The following SYNE2 variants were observed in gnomAD, a reference collection of about 807,000 sequenced individuals.
SYNE2 encodes nesprin-2.
SYNE2 carries 431 observed loss-of-function variants against 856.3 expected under a neutral mutation model. The observed-to-expected ratio is 0.50, with a 90% CI of 0.47 to 0.55. SYNE2 has a LOEUF of 0.55. Ranked by LOEUF, SYNE2 falls within the 20% of genes least tolerant of loss-of-function variation. The probability of loss-of-function intolerance (pLI) is 0.00; values close to 1 mark genes in which losing one functional copy is unlikely to be tolerated. For synonymous variants in SYNE2, 2,923 were observed against 2,872.3 expected (o/e 1.02, Z -0.56); for missense variants, 8,129 against 8,023.2 (o/e 1.01, Z -0.50).
intron 64 of SYNE2, among the ~76,000 whole-genome samples, chr14:64,106,513 G>C (rs1199452114): frequency 6.6e-6 from 1 of 152,146 alleles, no homozygotes; most frequent in African/African-American, 2.4e-5. Context: ...GCTGGGCGTG[G>C]TGGCGGGTGC....
chr14:64,223,880 G>A (rs777296764), intron 113 of SYNE2, among the ~76,000 whole-genome samples: 5 of 152,078 alleles, frequency 3.3e-5, no homozygotes, highest in Middle Eastern at 3.2e-3. Flanking sequence ...TCTCATCACC[G>A]ACCTGTGATG....
intron 69 of SYNE2, 65 bp downstream of exon 69, chr14:64,122,198 T>G: frequency 1.9e-6 from 3 of 1,614,024 alleles, no homozygotes; most frequent in Non-Finnish European, 2.5e-6. Context: ...TAAGAGTGTT[T>G]CTTTTAAAAA....
At chr14:64,124,994 C>A in intron 70 of SYNE2, 85 bp from the exon 71 acceptor site, 2 of 1,554,850 alleles carry the variant, frequency 1.3e-6, no homozygotes, top group African/African-American at 2.8e-5. Context: ...CAGAGCAAGA[C>A]TCCATCTCGA....
chr14:64,017,477 A>C, intron 33 of SYNE2, 118 bp from the exon 34 acceptor site: 1 of 817,360 alleles, frequency 1.2e-6, no homozygotes, highest in Admixed American at 2.3e-5. Context: ...TGATGAATAA[A>C]GCAGATTATC....
intron 6 of SYNE2, among the ~76,000 whole-genome samples, chr14:63,944,634 C>T (rs1431267366): frequency 6.8e-6 from 1 of 146,742 alleles, no homozygotes; most frequent in Non-Finnish European, 1.5e-5. Context: ...ACTGATTCTG[C>T]CTTAGCCTCC....
intron 85 of SYNE2, 23 bp downstream of exon 85, chr14:64,152,739 T>C (rs1319563960): frequency 1.2e-6 from 2 of 1,613,586 alleles, no homozygotes; most frequent in African/African-American, 1.3e-5. Context: ...ATTTGAAATG[T>C]GCTATTTCTC....
intron 1 of SYNE2, among the ~76,000 whole-genome samples, chr14:63,810,591 A>C (rs1443378972): frequency 6.6e-6 from 1 of 152,158 alleles, no homozygotes; most frequent in African/African-American, 2.4e-5. Flanking sequence ...TTAACCCAAG[A>C]TCAAGCAGAA....
intron 1 of SYNE2, among the ~76,000 whole-genome samples, chr14:63,873,036 GT>G (rs1215637234): frequency 2.6e-5 from 4 of 152,116 alleles, no homozygotes; most frequent in Non-Finnish European, 5.9e-5. Flanking sequence ...CTGTTGGGTT[GT>G]TTGTCTTTTT....
intron 1 of SYNE2, among the ~76,000 whole-genome samples, chr14:63,773,515 T>G: frequency 6.6e-6 from 1 of 152,214 alleles, no homozygotes. Context: ...CGCTACATTT[T>G]TTAAAGCCTA....
chr14:63,923,855 G>A (rs1050838591), intron 2 of SYNE2, among the ~76,000 whole-genome samples: 6 of 151,804 alleles, frequency 4.0e-5, no homozygotes, highest in Admixed American at 3.3e-4. Context: ...CTGGAGTGCA[G>A]TGGTGCCATT....
intron 1 of SYNE2, among the ~76,000 whole-genome samples, chr14:63,775,794 A>T (rs573682165): frequency 6.6e-6 from 1 of 152,214 alleles, no homozygotes; most frequent in South Asian, 2.1e-4. Context: ...ATGGGGTCCC[A>T]CTATGTTGCC....
At chr14:63,819,541 C>CT (rs576041925) in intron 1 of SYNE2, among the ~76,000 whole-genome samples, 1,742 of 134,606 alleles carry the variant, frequency 0.013, 30 homozygotes, top group African/African-American at 0.039. Flanking sequence ...AATTTTATTT[C>CT]TTTTTTTTTT....
At chr14:64,083,226 C>A (rs1265520975) in intron 57 of SYNE2, among the ~76,000 whole-genome samples, 1 of 151,202 alleles carries the variant, frequency 6.6e-6, no homozygotes, top group African/African-American at 2.4e-5. Context: ...TTTTTCTTTT[C>A]TTCCCCTTGC....
In SYNE2 at chr14:64,048,110, A is replaced by G; in HGVS notation, c.7332A>G (p.Leu2444=). Residue 2444 remains leucine, a synonymous_variant, in exon 46 of 116, where the codon TTA becomes TTG. Transcript: ENST00000555002. Reference sequence around the variant, plus strand: ...TCAATGAGCTGCAAAATCAACCTTTAGAATTAGATACTATGTTAAGAAATG... The same window carrying G: ...TCAATGAGCTGCAAAATCAACCTTTGGAATTAGATACTATGTTAAGAAATG... ...RKVNELQNQP[L]ELDTMLRNEQ... 6.2e-7 allele frequency: 1 copy of G among 1,613,660 alleles called. No individual in the cohort carries two copies. The highest frequency in any genetic ancestry group is 8.5e-7 in the Non-Finnish European group (1 of 1,179,720).
intron 94 of SYNE2, among the ~76,000 whole-genome samples, chr14:64,172,489 C>T (rs528534474): frequency 1.3e-5 from 2 of 152,296 alleles, no homozygotes; most frequent in South Asian, 4.1e-4. Context: ...GGCCAGACTT[C>T]TTATATGGTA....
chr14:63,881,495 AC>A (rs1808153078), intron 1 of SYNE2, among the ~76,000 whole-genome samples: 1 of 151,726 alleles, frequency 6.6e-6, no homozygotes, highest in African/African-American at 2.4e-5. Flanking sequence ...CAATAAATAA[AC>A]AAAACAAAAC....
chr14:63,814,060 A>AAACAACAACAAC (rs71120290), intron 1 of SYNE2, among the ~76,000 whole-genome samples: 6,096 of 149,960 alleles, frequency 0.041, 139 homozygotes, highest in Middle Eastern at 0.076. Flanking sequence ...TCTGTCTCAA[A>AAACAACAACAAC]AACAACAACA....
chr14:63,859,883 ACTCCTTTCCTCC>A (rs908968394), intron 1 of SYNE2, among the ~76,000 whole-genome samples: 6 of 150,670 alleles, frequency 4.0e-5, no homozygotes, highest in South Asian at 2.1e-4. Flanking sequence ...AGTGGACTCC[ACTCCTTTCCTCC>A]CTCCTTTCTC....
chr14:64,042,756 C>A (rs979714842), intron 45 of SYNE2, among the ~76,000 whole-genome samples: 1 of 72,892 alleles, frequency 1.4e-5, no homozygotes, highest in African/African-American at 3.1e-5. Context: ...ATCCATTAAA[C>A]CTCTTTCTTT....
Sources: gnomAD v4.1 joint callset for allele counts (sites outside exome capture counted in the v4.1 genomes callset) on GRCh38, gnomAD v4.1.1 for gene constraint, MANE v1.5 for transcripts, NCBI Gene and HGNC (gene_info 2026-07-23, HGNC 2026-07-21) for gene names.